Variants in SEPTIN9 observed in about 807,000 individuals in gnomAD.
SEPTIN9 encodes septin-9.
A neutral mutation model predicts 56.6 loss-of-function variants in SEPTIN9; 13 were observed. The observed-to-expected ratio is 0.23, with a 90% CI of 0.15 to 0.37. The LOEUF (loss-of-function observed/expected upper bound fraction) is 0.37, where lower values mean the gene tolerates loss of function less well. SEPTIN9 is among the 10% of genes least tolerant of loss of function. The probability of loss-of-function intolerance (pLI) is 1.00; values close to 1 mark genes in which losing one functional copy is unlikely to be tolerated. For synonymous variants in SEPTIN9, 332 were observed against 334.1 expected (o/e 0.99, Z 0.07); for missense variants, 650 against 823.1 (o/e 0.79, Z 2.57).
rs560243481 is a variant in SEPTIN9 at position 77,498,865 on chromosome 17, G to A, written c.*207G>A. ...GCGGCCTCCCCGAGGTTGTGGGGAG[G>A]CTGCACTGGAGCCACAGGCAGGGGT... On this transcript the variant is annotated 3_prime_UTR_variant, in exon 12 of 12. Transcript: ENST00000427177. 980 of 613,302 alleles carry A rather than the reference G, an allele frequency of 1.6e-3. 16 individuals are homozygous for A. The highest frequency in any genetic ancestry group is 0.011 in the South Asian group (733 of 65,874). The allele number at this position is 613,302 out of a possible 1,614,324, so 38.0% of individuals were successfully genotyped here.
chr17:77,377,589 G>T (rs758435038), intron 2 of SEPTIN9, among the ~76,000 whole-genome samples: 1 of 152,034 alleles, frequency 6.6e-6, no homozygotes, highest in Non-Finnish European at 1.5e-5. Context: ...ACTGTCGCCC[G>T]AGGAGGACCC....
rs371503655 is a variant in SEPTIN9 at position 77,368,847 on chromosome 17, G to A, written c.77-33212G>A. 5.3e-5 allele frequency among the ~76,000 whole-genome samples: 8 copies of A among 152,176 alleles called. No individual in the cohort carries two copies. In the East Asian group the frequency reaches 7.7e-4, roughly 15 times the overall value. On this transcript the variant is annotated intron_variant, in intron 2 of 11. Transcript: ENST00000427177. ...ATTTAACTATTGTCTGTCCTGTTGC[G>A]GTTATGTTCTTGAGGTTGTATTTGT... is the stretch of plus-strand genomic sequence containing the variant.
rs139934352 is a variant in SEPTIN9 at position 77,314,802 on chromosome 17, G to A, written c.76+7605G>A. On this transcript the variant is annotated intron_variant, in intron 2 of 11. Transcript: ENST00000427177. ...TCTGGATGGCTGGACCAGCCCCAGG[G>A]CCTCCTGGCCTGGTGTGGGGAGCAC... Among the ~76,000 whole-genome samples the A allele has an allele frequency of 3.0e-3, 450 of 152,352 alleles. 2 individuals carry two copies. Among genetic ancestry groups the A allele is most frequent in the Non-Finnish European group, 5.1e-3 (345 of 68,036 alleles).
chr17:77,442,983 A>G (rs940562565), intron 3 of SEPTIN9, among the ~76,000 whole-genome samples: 1 of 152,102 alleles, frequency 6.6e-6, no homozygotes, highest in Non-Finnish European at 1.5e-5. Context: ...TCTTGTGACA[A>G]TGTCTTCTTA....
intron 3 of SEPTIN9, among the ~76,000 whole-genome samples, chr17:77,418,127 A>G (rs1464098576): frequency 6.6e-6 from 1 of 152,172 alleles, no homozygotes; most frequent in Non-Finnish European, 1.5e-5. Flanking sequence ...TCAGCCTGAG[A>G]GACCATCAAA....
chr17:77,351,032 G>A (rs1267337436), intron 2 of SEPTIN9, among the ~76,000 whole-genome samples: 1 of 147,780 alleles, frequency 6.8e-6, no homozygotes, highest in Non-Finnish European at 1.5e-5. Context: ...GTGTGCACGT[G>A]TGGACCTGTG....
At chr17:77,414,702 C>T (rs1199941693) in intron 3 of SEPTIN9, among the ~76,000 whole-genome samples, 1 of 151,720 alleles carries the variant, frequency 6.6e-6, no homozygotes, top group East Asian at 1.9e-4. Flanking sequence ...CATGGCCTCC[C>T]GAGTAGCTGA....
chr17:77,400,094 A>G lies in SEPTIN9; in HGVS notation c.77-1965A>G, dbSNP rs1385792057. Among the ~76,000 whole-genome samples, 1 of 152,160 alleles carries G rather than the reference A, an allele frequency of 6.6e-6. No homozygotes were observed. The highest frequency in any genetic ancestry group is 1.9e-4 in the East Asian group (1 of 5,196). On this transcript the variant is annotated intron_variant, in intron 2 of 11. Transcript: ENST00000427177. This position sits in a 1 kb window ranked among gnomAD's most constrained non-coding sequence, Gnocchi z 4.1. ...CGGGTTCAAGCGATTCTCCTGCCTC[A>G]GCCTCCTGAGTAGCTGGGACTATAG...
At chr17:77,468,439 T>G (rs982567529) in intron 3 of SEPTIN9, among the ~76,000 whole-genome samples, 2 of 152,162 alleles carry the variant, frequency 1.3e-5, no homozygotes, top group African/African-American at 4.8e-5. Context: ...AGAGAGGCTG[T>G]GCGTGGATGG....
chr17:77,334,303 TC>T (rs1392175438), intron 2 of SEPTIN9, among the ~76,000 whole-genome samples: 2 of 151,756 alleles, frequency 1.3e-5, no homozygotes, highest in South Asian at 4.2e-4. Flanking sequence ...GCGCCTGTAG[TC>T]CCAGATAATC....
chr17:77,415,364 T>G (rs2036463020), intron 3 of SEPTIN9, among the ~76,000 whole-genome samples: 1 of 151,896 alleles, frequency 6.6e-6, no homozygotes, highest in Admixed American at 6.5e-5. Flanking sequence ...CCCAGCACTT[T>G]GGGAAGTTGA....
At chr17:77,491,035 G>A (rs1324221513) in intron 8 of SEPTIN9, among the ~76,000 whole-genome samples, 176 bp downstream of exon 8, 1 of 152,174 alleles carries the variant, frequency 6.6e-6, no homozygotes, top group African/African-American at 2.4e-5. Context: ...GCTGGGGGCC[G>A]TCCCTGAGAT....
rs56127609 is a variant in SEPTIN9, at chr17:77,460,320, T to C, written c.722-21824T>C. 7.2e-3 allele frequency among the ~76,000 whole-genome samples: 1,089 copies of C among 152,220 alleles called. 6 individuals are homozygous for C. The highest frequency in any genetic ancestry group is 0.011 in the South Asian group (52 of 4,820). On this transcript the variant is annotated intron_variant, in intron 3 of 11. Transcript: ENST00000427177. ...TGGAGTGGGAGTGCGGGAAGGCCCCTACGTTGTGTGTGCCGTGCTGGGCTG... is the reference window on the plus strand; with the variant it reads ...TGGAGTGGGAGTGCGGGAAGGCCCCCACGTTGTGTGTGCCGTGCTGGGCTG...
Position 77,441,451 on chromosome 17 carries a change from C to T in SEPTIN9, c.721+38748C>T, listed in dbSNP as rs528009752. On this transcript the variant is annotated intron_variant, in intron 3 of 11. Transcript: ENST00000427177. ...CCAGCGCCCCCATGCTTAGACACTTCGTGTGGTTTTCAAAGTGCTTTTATG... is the reference window on the plus strand; with the variant it reads ...CCAGCGCCCCCATGCTTAGACACTTTGTGTGGTTTTCAAAGTGCTTTTATG... 2.0e-5 allele frequency among the ~76,000 whole-genome samples: 3 copies of T among 152,326 alleles called. No homozygotes were observed. In the South Asian group the frequency reaches 6.2e-4, roughly 32 times the overall value.
intron 2 of SEPTIN9, among the ~76,000 whole-genome samples, chr17:77,393,354 G>A (rs2035605651): frequency 6.6e-6 from 1 of 152,118 alleles, no homozygotes; most frequent in Non-Finnish European, 1.5e-5. Flanking sequence ...CCAGCCTTCC[G>A]AGGGCTTGGG....
intron 2 of SEPTIN9, among the ~76,000 whole-genome samples, chr17:77,401,602 C>T (rs1266416498): frequency 6.6e-6 from 1 of 151,984 alleles, no homozygotes; most frequent in Non-Finnish European, 1.5e-5. Context: ...AAAAATTAGC[C>T]AGGCATGGTG....
chr17:77,393,876 G>A (rs544942723), intron 2 of SEPTIN9, among the ~76,000 whole-genome samples: 2 of 152,242 alleles, frequency 1.3e-5, no homozygotes, highest in Admixed American at 6.5e-5. Flanking sequence ...ATGAGCCACC[G>A]CGCCTGGCCT....
chr17:77,420,701 AG>A (rs1266017458), intron 3 of SEPTIN9, among the ~76,000 whole-genome samples: 1 of 152,038 alleles, frequency 6.6e-6, no homozygotes, highest in African/African-American at 2.4e-5. Context: ...TGCAGCAGCC[AG>A]CTGGCACGGG....
rs1193760223 is a variant in SEPTIN9, at chr17:77,433,464, T to A, written c.721+30761T>A. Among the ~76,000 whole-genome samples the A allele has an allele frequency of 6.6e-6, 1 of 151,942 alleles. No homozygotes were observed. Among genetic ancestry groups the A allele is most frequent in the Non-Finnish European group, 1.5e-5 (1 of 67,990 alleles). On this transcript the variant is annotated intron_variant, in intron 3 of 11. Transcript: ENST00000427177. The surrounding 1 kb of genome is among the most constrained non-coding windows in gnomAD (Gnocchi z 6.4). ...GGGCAGCAGGGAAGGGACCCACATG[T>A]GGCACTGGGACACGGAGAGGCTTTT...
Sources: gnomAD v4.1 joint callset for allele counts (sites outside exome capture counted in the v4.1 genomes callset) on GRCh38, gnomAD v4.1.1 for gene constraint, Gnocchi (gnomAD v3.1) non-coding constraint, MANE v1.5 for transcripts, NCBI Gene and HGNC (gene_info 2026-07-23, HGNC 2026-07-21) for gene names.